Variants in CFH observed in about 807,000 individuals in gnomAD.
CFH encodes the protein H factor 1 (complement).
A neutral mutation model predicts 147.3 loss-of-function variants in CFH; 53 were observed. The observed-to-expected ratio is 0.36, with a 90% CI of 0.29 to 0.45. The LOEUF (loss-of-function observed/expected upper bound fraction) is 0.45. Ranked by LOEUF, CFH falls within the 20% of genes least tolerant of loss-of-function variation. CFH has a pLI of 1.00. For missense variants in CFH, 1,380 were observed against 1,498.0 expected (o/e 0.92, Z 1.30); for synonymous variants, 536 against 489.4 (o/e 1.10, Z -1.26).
intron 7 of CFH, 46 bp downstream of exon 7, chr1:196,685,283 C>G: frequency 1.9e-6 from 3 of 1,582,558 alleles, no homozygotes; most frequent in African/African-American, 1.3e-5. Context: ...TCTGAAATTT[C>G]TTTTAAACAC....
chr1:196,680,749 C>A (rs1383127435), intron 6 of CFH, among the ~76,000 whole-genome samples: 1 of 151,692 alleles, frequency 6.6e-6, no homozygotes, highest in Admixed American at 6.6e-5. Flanking sequence ...ACTTTAAATC[C>A]CATGATTCAT....
intron 3 of CFH, among the ~76,000 whole-genome samples, chr1:196,674,292 G>A (rs1667383150): frequency 6.6e-6 from 1 of 152,102 alleles, no homozygotes. Flanking sequence ...AATGTGTCAG[G>A]AACAATAGGA....
In CFH at chr1:196,685,263, A is replaced by G. The variant is rs553737661; in HGVS notation, c.964+26A>G. The G allele has an allele frequency of 4.5e-5, 72 of 1,610,530 alleles. 1 individual carries two copies. The South Asian group carries it at 7.3e-4, about 16-fold the overall frequency. ...GTAAGTTCCATTCATATCTTGACCC[A>G]TTTCTTAATTCTGAAATTTCTTTTA... is the stretch of plus-strand genomic sequence containing the variant. On this transcript the variant is annotated intron_variant, in intron 7 of 21. Coordinates refer to ENST00000367429, the MANE Select transcript of CFH (RefSeq NM_000186.4).
intron 4 of CFH, chr1:196,676,840 G>T (rs1333285784): frequency 6.6e-6 from 1 of 152,206 alleles, no homozygotes; most frequent in African/African-American, 2.4e-5. Flanking sequence ...TGGGATGCTT[G>T]TTAAAAACTA....
intron 1 of CFH, among the ~76,000 whole-genome samples, 157 bp downstream of exon 1, chr1:196,652,332 T>C (rs559057684): frequency 1.8e-4 from 28 of 152,150 alleles, no homozygotes; most frequent in Admixed American, 1.7e-3. Context: ...GTTTAAAAAA[T>C]GTAAGAACCT....
At chr1:196,738,901 G>A (rs147066775) in intron 17 of CFH, among the ~76,000 whole-genome samples, 2 of 152,312 alleles carry the variant, frequency 1.3e-5, no homozygotes, top group South Asian at 2.1e-4. Context: ...CCCCCCTGCA[G>A]CAAACTTCTG....
chr1:196,718,947 A>G (rs1668934959), intron 11 of CFH, among the ~76,000 whole-genome samples: 3 of 152,096 alleles, frequency 2.0e-5, no homozygotes. Flanking sequence ...TCAGCCATGT[A>G]ACAGAAAACT....
At chr1:196,693,136 GT>G (rs536562215) in intron 9 of CFH, among the ~76,000 whole-genome samples, 1 of 151,822 alleles carries the variant, frequency 6.6e-6, no homozygotes, top group Non-Finnish European at 1.5e-5. Flanking sequence ...GAATCACATT[GT>G]TTTTCAATTT....
chr1:196,713,773 T>C lies in CFH; in HGVS notation c.1375T>C (p.Phe459Leu), dbSNP rs745523751. ...SKSSIDIENG[F>L]ISESQYTYAL... ...ATCAAGTATAGATATTGAGAATGGG[T>C]TTATTTCTGAATCTCAGTATACATA... The change falls in exon 10 of 22, where the codon TTT becomes CTT. Residue 459 changes from phenylalanine (F) to leucine (L), a missense_variant. Phe to Leu is a conservative substitution (Grantham distance 22). Coordinates refer to ENST00000367429, the MANE Select transcript of CFH (RefSeq NM_000186.4). 6.2e-7 allele frequency: 1 copy of C among 1,602,782 alleles called. No homozygotes were observed. Among genetic ancestry groups the C allele is most frequent in the South Asian group, 1.1e-5 (1 of 90,772 alleles).
At chr1:196,724,951 T>G (rs1483790258) in intron 11 of CFH, among the ~76,000 whole-genome samples, 170 bp from the exon 12 acceptor site, 1 of 152,210 alleles carries the variant, frequency 6.6e-6, no homozygotes, top group Non-Finnish European at 1.5e-5. Context: ...TCCATTTCAA[T>G]TTAGACAGCA....
chr1:196,712,047 C>A (rs1254876772), intron 9 of CFH, among the ~76,000 whole-genome samples: 9 of 152,108 alleles, frequency 5.9e-5, no homozygotes, highest in Non-Finnish European at 8.8e-5. Context: ...CTGCTGAATT[C>A]TCCTTCTCCA....
intron 18 of CFH, chr1:196,741,070 AT>A: frequency 2.4e-6 from 1 of 419,890 alleles, no homozygotes; most frequent in Admixed American, 3.6e-5. Context: ...GCCTCTACTC[AT>A]CAATCTCCAC....
chr1:196,726,992 G>C (rs766600348), intron 14 of CFH, 52 bp downstream of exon 14: 2 of 1,528,014 alleles, frequency 1.3e-6, no homozygotes, highest in South Asian at 2.2e-5. Context: ...TATTTTTATT[G>C]TAACAACAAT....
intron 9 of CFH, among the ~76,000 whole-genome samples, chr1:196,695,609 T>C (rs1329485454): frequency 6.6e-6 from 1 of 152,014 alleles, no homozygotes; most frequent in Non-Finnish European, 1.5e-5. Context: ...TATGGCCATT[T>C]TCATGATATT....
chr1:196,669,176 A>G (rs1410802211), intron 1 of CFH, among the ~76,000 whole-genome samples: 1 of 152,172 alleles, frequency 6.6e-6, no homozygotes, highest in Non-Finnish European at 1.5e-5. Flanking sequence ...TGGAACTTTG[A>G]ACTTTGAGAA....
At chr1:196,669,894 C>A (rs1025646883) in intron 1 of CFH, among the ~76,000 whole-genome samples, 3 of 152,174 alleles carry the variant, frequency 2.0e-5, no homozygotes, top group African/African-American at 7.2e-5. Flanking sequence ...AGACTCAATG[C>A]CAGCAGTGAA....
At position 196,747,227 on chromosome 1, in the gene CFH, G is replaced by A; in HGVS notation, c.3610G>A (p.Gly1204Arg). ...ATCAGTTGAATTTGTGTGTAAACGGGGATATCGTCTTTCATCACGTTCTCA... is the reference window on the plus strand; with the variant it reads ...ATCAGTTGAATTTGTGTGTAAACGGAGATATCGTCTTTCATCACGTTCTCA... ...GESVEFVCKR[G>R]YRLSSRSHTL... The change falls in exon 22 of 22, where the codon GGA (glycine) becomes AGA (arginine). Residue 1204 changes from glycine (G) to arginine (R), a missense_variant. By Grantham distance (125) the Gly-to-Arg change is moderately radical (BLOSUM62 -2). Transcript: ENST00000367429. 1 of 1,613,844 alleles carries A rather than the reference G, an allele frequency of 6.2e-7. No individual in the cohort carries two copies. Among genetic ancestry groups the A allele is most frequent in the Admixed American group, 1.7e-5 (1 of 60,004 alleles).
chr1:196,711,285 G>A (rs554659873), intron 9 of CFH, among the ~76,000 whole-genome samples: 6 of 152,150 alleles, frequency 3.9e-5, no homozygotes, highest in East Asian at 1.9e-4. Context: ...GTGGAACACC[G>A]TCATTTTCTA....
chr1:196,697,549 C>G (rs912072043), intron 9 of CFH, among the ~76,000 whole-genome samples: 6 of 152,190 alleles, frequency 3.9e-5, no homozygotes, highest in African/African-American at 1.2e-4. Flanking sequence ...CACTTTTACA[C>G]TGTTGGTGGA....
Sources: allele counts gnomAD v4.1 joint callset (sites outside exome capture counted in the v4.1 genomes callset), GRCh38; gene constraint gnomAD v4.1.1; transcripts MANE v1.5; gene names NCBI Gene and HGNC (gene_info 2026-07-23, HGNC 2026-07-21).